Variants in CERK observed in about 807,000 individuals in gnomAD.
CERK encodes ceramide kinase.
In CERK, 39 loss-of-function variants were observed where a neutral mutation model predicts 63.4. That is an observed-to-expected ratio of 0.61 (90% CI 0.48 to 0.80). CERK has a LOEUF of 0.80. CERK is among the 30% of genes least tolerant of loss of function. CERK has a pLI of 0.00. For synonymous variants in CERK, 302 were observed against 280.0 expected (o/e 1.08, Z -0.78); for missense variants, 670 against 714.1 (o/e 0.94, Z 0.70).
intron 9 of CERK, among the ~76,000 whole-genome samples, chr22:46,694,951 A>T (rs2082748703): frequency 6.6e-6 from 1 of 152,204 alleles, no homozygotes; most frequent in African/African-American, 2.4e-5. Context: ...CCACTCCAAC[A>T]GTGGGTGTGG....
chr22:46,723,345 A>G (rs1326839905), intron 1 of CERK, among the ~76,000 whole-genome samples: 1 of 152,200 alleles, frequency 6.6e-6, no homozygotes, highest in Admixed American at 6.5e-5. Context: ...CAGGGCGGAC[A>G]CAGTGGCTCA....
At chr22:46,722,960 G>A (rs1360691052) in intron 1 of CERK, among the ~76,000 whole-genome samples, 1 of 152,206 alleles carries the variant, frequency 6.6e-6, no homozygotes, top group Admixed American at 6.5e-5. Flanking sequence ...GAGAGGCAGA[G>A]GCCGCTGGGA....
chr22:46,694,164 TAAAAG>T lies in CERK; in HGVS notation c.1050-666_1050-662del, dbSNP rs529439810. Among the ~76,000 whole-genome samples the T allele has an allele frequency of 9.3e-4, 142 of 152,164 alleles. 1 individual carries two copies. Among genetic ancestry groups the T allele is most frequent in the Non-Finnish European group, 1.6e-3 (108 of 67,994 alleles). On this transcript the variant is annotated intron_variant, in intron 9 of 12. Transcript: ENST00000216264. ...AGGAGGTTCTGAAGTCTGCATGACT[TAAAAG>T]GAAAGGACGTGAGTGTCCTTCACAA...
intron 1 of CERK, among the ~76,000 whole-genome samples, chr22:46,724,063 T>G (rs2082905996): frequency 6.6e-6 from 1 of 151,806 alleles, no homozygotes; most frequent in Non-Finnish European, 1.5e-5. Flanking sequence ...ACCTCCTCCG[T>G]CTTCTCCACC....
intron 7 of CERK, among the ~76,000 whole-genome samples, chr22:46,701,053 G>GTGA (rs2082781162): frequency 6.6e-6 from 1 of 151,928 alleles, no homozygotes; most frequent in Admixed American, 6.6e-5. Context: ...AAAATATACA[G>GTGA]TTTCTGTGAC....
chr22:46,692,080 C>T (rs2082734426), intron 10 of CERK, among the ~76,000 whole-genome samples: 1 of 152,138 alleles, frequency 6.6e-6, no homozygotes. Context: ...AGATCCGGCC[C>T]GCCGCCCGTC....
chr22:46,736,631 G>A (rs1232281630), intron 1 of CERK, among the ~76,000 whole-genome samples: 1 of 152,184 alleles, frequency 6.6e-6, no homozygotes, highest in African/African-American at 2.4e-5. Flanking sequence ...GATATTTGGG[G>A]TGTGACATTT....
chr22:46,713,582 C>T (rs1250794655), intron 3 of CERK, among the ~76,000 whole-genome samples: 1 of 151,116 alleles, frequency 6.6e-6, no homozygotes, highest in Non-Finnish European at 1.5e-5. Flanking sequence ...TTCTTCACCA[C>T]AGCCAAGCAG....
intron 10 of CERK, 110 bp from the exon 11 acceptor site, chr22:46,691,887 A>G (rs1374754276): frequency 1.4e-6 from 1 of 716,124 alleles, no homozygotes; most frequent in Non-Finnish European, 2.3e-6. Flanking sequence ...TGCATTTAGC[A>G]GACACTTCAT....
chr22:46,702,773 G>A (rs1165525023), intron 6 of CERK, among the ~76,000 whole-genome samples: 1 of 152,212 alleles, frequency 6.6e-6, no homozygotes, highest in East Asian at 1.9e-4. Flanking sequence ...CAGATGAAAG[G>A]GAAGCTGCAG....
intron 1 of CERK, among the ~76,000 whole-genome samples, chr22:46,725,923 G>A (rs1466154781): frequency 6.6e-6 from 1 of 152,080 alleles, no homozygotes; most frequent in African/African-American, 2.4e-5. Flanking sequence ...TTTAGTGCTT[G>A]TTGTGATCCA....
rs2082838535 is a variant in CERK at position 46,711,084 on chromosome 22, AC to A, written c.569+1del. On this transcript the variant is annotated splice_donor_variant, in intron 5 of 12. Coordinates refer to ENST00000216264, the MANE Select transcript of CERK (RefSeq NM_022766.6). LOFTEE classifies it high-confidence loss of function. ...GATGGCGATGAAAGACGGCTTACTC[AC>A]CCGTCGTATTTGTCTATGTTAATCT... is the stretch of plus-strand genomic sequence containing the variant. 1 of 1,611,656 alleles carries A rather than the reference AC, an allele frequency of 6.2e-7. No homozygotes were observed. The highest frequency in any genetic ancestry group is 1.3e-5 in the African/African-American group (1 of 74,836).
intron 11 of CERK, among the ~76,000 whole-genome samples, chr22:46,690,979 A>G (rs540734115): frequency 2.6e-5 from 4 of 150,986 alleles, no homozygotes; most frequent in South Asian, 2.1e-4. Flanking sequence ...ATATGTATGT[A>G]TGTGTGTATA....
Position 46,713,518 on chromosome 22 carries a change from A to AAC in CERK, c.380-1226_380-1225insGT, listed in dbSNP as rs1315882031. Reference sequence around the variant, plus strand: ...AGTGAGACTTCATCTCAAAAAAAAAAAAAAAAAAAAACAAACAAACAAAAA... The same window carrying AAC: ...AGTGAGACTTCATCTCAAAAAAAAAAACAAAAAAAAAAACAAACAAACAAAAA... On this transcript the variant is annotated intron_variant, in intron 3 of 12. Coordinates refer to ENST00000216264, the MANE Select transcript of CERK (RefSeq NM_022766.6). 2.0e-3 allele frequency among the ~76,000 whole-genome samples: 300 copies of AAC among 150,238 alleles called. 2 individuals carry two copies. The highest frequency in any genetic ancestry group is 4.8e-3 in the Admixed American group (72 of 15,126).
chr22:46,713,508 CAAAAAAAAAA>C (rs34168827), intron 3 of CERK, among the ~76,000 whole-genome samples: 2 of 74,292 alleles, frequency 2.7e-5, no homozygotes, highest in Admixed American at 3.5e-4. Flanking sequence ...GACTTCATCT[CAAAAAAAAAA>C]AAAAAAAAAA....
intron 3 of CERK, among the ~76,000 whole-genome samples, chr22:46,715,987 A>G (rs563422611): frequency 1.3e-5 from 2 of 152,050 alleles, no homozygotes; most frequent in African/African-American, 4.8e-5. Context: ...GGAGTTTGAG[A>G]CCAGCCTGGG....
chr22:46,687,236 C>A, intron 12 of CERK, 30 bp from the exon 13 acceptor site: 1 of 1,585,760 alleles, frequency 6.3e-7, no homozygotes, highest in Non-Finnish European at 8.6e-7. Context: ...CGTGTAAACC[C>A]CACGTGTCCC....
intron 12 of CERK, 97 bp downstream of exon 12, chr22:46,689,895 G>T: frequency 1.3e-6 from 1 of 786,368 alleles, no homozygotes; most frequent in Non-Finnish European, 2.0e-6. Context: ...TGTTTATAAA[G>T]CCCCAGGGAA....
intron 1 of CERK, among the ~76,000 whole-genome samples, chr22:46,723,323 A>G (rs2082901810): frequency 6.6e-6 from 1 of 152,236 alleles, no homozygotes; most frequent in Admixed American, 6.5e-5. Flanking sequence ...AGGAACGTCA[A>G]GAATAAGAAC....
Sources: gnomAD v4.1 joint callset for allele counts (sites outside exome capture counted in the v4.1 genomes callset) on GRCh38, gnomAD v4.1.1 for gene constraint, MANE v1.5 for transcripts, NCBI Gene and HGNC (gene_info 2026-07-23, HGNC 2026-07-21) for gene names.